Variants in PAN3 observed in about 807,000 individuals in gnomAD.
PAN3 encodes poly(A) specific ribonuclease subunit PAN3.
Under a neutral mutation model 96.2 loss-of-function variants are expected in PAN3, and 19 were observed. The observed-to-expected ratio is 0.20, with a 90% CI of 0.14 to 0.29. The LOEUF is 0.29. Ranked by LOEUF, PAN3 falls within the 10% of genes least tolerant of loss-of-function variation. The pLI, the probability that PAN3 is intolerant of heterozygous loss-of-function variation, is 1.00. For missense variants in PAN3, 882 were observed against 1,108.1 expected (o/e 0.80, Z 2.90); for synonymous variants, 433 against 406.6 (o/e 1.06, Z -0.78).
intron 9 of PAN3, among the ~76,000 whole-genome samples, chr13:28,264,166 T>C (rs573633111): frequency 6.6e-6 from 1 of 151,928 alleles, no homozygotes; most frequent in Non-Finnish European, 1.5e-5. Flanking sequence ...AGTTCAGAAA[T>C]ACTTTTATAA....
At chr13:28,175,007 T>C (rs1487621226) in intron 2 of PAN3, among the ~76,000 whole-genome samples, 1 of 152,212 alleles carries the variant, frequency 6.6e-6, no homozygotes, top group Non-Finnish European at 1.5e-5. Context: ...CTTTATCATA[T>C]GACTGCATGC....
intron 18 of PAN3, among the ~76,000 whole-genome samples, chr13:28,290,353 T>C (rs903085538): frequency 1.3e-5 from 2 of 152,184 alleles, no homozygotes; most frequent in African/African-American, 4.8e-5. Context: ...TCCTTAAAAC[T>C]CTATAAGGAG....
At chr13:28,188,797 G>A (rs1876828985) in intron 4 of PAN3, among the ~76,000 whole-genome samples, 1 of 152,114 alleles carries the variant, frequency 6.6e-6, no homozygotes, top group Non-Finnish European at 1.5e-5. Context: ...CTGATAATGT[G>A]AGGCATTTTG....
chr13:28,215,582 C>T, intron 5 of PAN3: 2 of 774,926 alleles, frequency 2.6e-6, no homozygotes. Flanking sequence ...CTGTCTATGC[C>T]CTTGTACTGA....
At chr13:28,251,604 C>G (rs1027928141) in intron 6 of PAN3, among the ~76,000 whole-genome samples, 1 of 152,200 alleles carries the variant, frequency 6.6e-6, no homozygotes, top group Non-Finnish European at 1.5e-5. Flanking sequence ...TCCTTTTTCT[C>G]CATTGCTCTT....
rs1268346522 is a variant in PAN3, at chr13:28,153,598, T to C, written c.430+14511T>C. On this transcript the variant is annotated intron_variant, in intron 1 of 18. Coordinates refer to ENST00000380958, the MANE Select transcript of PAN3 (RefSeq NM_175854.8). Reference sequence around the variant, plus strand: ...TCTAGAGACAGCACTGAGTTGTTAATGTTAGTATTTCTGTGGTGGCATGAT... The same window carrying C: ...TCTAGAGACAGCACTGAGTTGTTAACGTTAGTATTTCTGTGGTGGCATGAT... 3.3e-5 allele frequency among the ~76,000 whole-genome samples: 5 copies of C among 152,298 alleles called. No individual in the cohort carries two copies. The East Asian group carries it at 5.8e-4, about 18-fold the overall frequency.
At chr13:28,194,462 A>ATTTTT (rs1256598721) in intron 4 of PAN3, among the ~76,000 whole-genome samples, 1 of 101,426 alleles carries the variant, frequency 9.9e-6, no homozygotes, top group African/African-American at 5.3e-5. Context: ...ATATATATAT[A>ATTTTT]TATATTTTTT....
intron 1 of PAN3, 145 bp from the exon 2 acceptor site, chr13:28,174,127 A>G: frequency 3.8e-6 from 3 of 795,212 alleles, no homozygotes; most frequent in South Asian, 4.0e-5. Context: ...ACCCAATTTT[A>G]TTTGATCTTA....
chr13:28,211,020 T>C, intron 5 of PAN3, among the ~76,000 whole-genome samples: 1 of 152,120 alleles, frequency 6.6e-6, no homozygotes, highest in Non-Finnish European at 1.5e-5. Flanking sequence ...TTCTCCTGAA[T>C]AGCTGGGACC....
chr13:28,198,935 G>A (rs1878386488), intron 5 of PAN3, among the ~76,000 whole-genome samples: 1 of 152,130 alleles, frequency 6.6e-6, no homozygotes, highest in Non-Finnish European at 1.5e-5. Context: ...AGTAAATATT[G>A]CAAAATGTAG....
chr13:28,216,885 G>T (rs1334561034), intron 5 of PAN3, among the ~76,000 whole-genome samples: 2 of 151,938 alleles, frequency 1.3e-5, no homozygotes, highest in East Asian at 3.9e-4. Flanking sequence ...GGAGGCCAAG[G>T]TGGGCAGATC....
At chr13:28,217,562 C>T (rs1453262617) in intron 5 of PAN3, among the ~76,000 whole-genome samples, 1 of 149,340 alleles carries the variant, frequency 6.7e-6, no homozygotes, top group South Asian at 2.1e-4. Flanking sequence ...AGCCTGGCAA[C>T]AGAGTGAGAT....
intron 17 of PAN3, among the ~76,000 whole-genome samples, chr13:28,283,422 C>T (rs1195932059): frequency 3.3e-5 from 5 of 152,134 alleles, no homozygotes; most frequent in South Asian, 2.1e-4. Context: ...GAAAAGTTTG[C>T]AGTGAAAACT....
chr13:28,257,483 C>T (rs1885237178), intron 7 of PAN3, among the ~76,000 whole-genome samples: 1 of 151,318 alleles, frequency 6.6e-6, no homozygotes, highest in Non-Finnish European at 1.5e-5. Flanking sequence ...CCAGGCCGCA[C>T]AGCAGGAGGT....
At chr13:28,190,739 C>G (rs1053819263) in intron 4 of PAN3, among the ~76,000 whole-genome samples, 1 of 152,140 alleles carries the variant, frequency 6.6e-6, no homozygotes, top group Non-Finnish European at 1.5e-5. Context: ...CATCAGATCT[C>G]GTGAGAATTC....
intron 5 of PAN3, chr13:28,215,378 A>T: frequency 1.3e-6 from 1 of 750,158 alleles, no homozygotes; most frequent in Non-Finnish European, 2.5e-6. Flanking sequence ...TTACAACTGA[A>T]GTCTATTGAA....
chr13:28,282,652 C>T (rs1032427037), intron 17 of PAN3, among the ~76,000 whole-genome samples: 1 of 152,180 alleles, frequency 6.6e-6, no homozygotes, highest in Non-Finnish European at 1.5e-5. Context: ...TTACAAAACA[C>T]CTCTCCCATG....
intron 4 of PAN3, among the ~76,000 whole-genome samples, chr13:28,184,520 T>G (rs1259429663): frequency 2.0e-5 from 3 of 152,124 alleles, no homozygotes; most frequent in Non-Finnish European, 4.4e-5. Context: ...TATGCCTGCT[T>G]CTTTTTCCAC....
At chr13:28,227,441 G>T (rs569036851) in intron 6 of PAN3, among the ~76,000 whole-genome samples, 1 of 152,084 alleles carries the variant, frequency 6.6e-6, no homozygotes, top group Non-Finnish European at 1.5e-5. Flanking sequence ...ACGAGTTACC[G>T]ATCCAGTGAT....
Sources: allele counts gnomAD v4.1 joint callset (sites outside exome capture counted in the v4.1 genomes callset), GRCh38; gene constraint gnomAD v4.1.1; transcripts MANE v1.5; gene names NCBI Gene and HGNC (gene_info 2026-07-23, HGNC 2026-07-21).